The following THSD4 variants were observed in gnomAD, a reference collection of about 807,000 sequenced individuals.
THSD4 encodes the protein thrombospondin type 1 domain containing 4.
Under a neutral mutation model 119.0 loss-of-function variants are expected in THSD4, and 69 were observed. The ratio of observed to expected loss-of-function variants is 0.58; its 90% CI spans 0.48 to 0.71. THSD4 has a LOEUF of 0.71. Among genes scored for constraint, THSD4 ranks in the 30% least tolerant of loss-of-function variants. The pLI, the probability that THSD4 is intolerant of heterozygous loss-of-function variation, is 0.00. For synonymous variants in THSD4, 524 were observed against 540.4 expected (o/e 0.97, Z 0.42); for missense variants, 1,393 against 1,391.1 (o/e 1.00, Z -0.02).
At chr15:71,266,550 T>G (rs958873112) in intron 6 of THSD4, among the ~76,000 whole-genome samples, 1 of 151,912 alleles carries the variant, frequency 6.6e-6, no homozygotes, top group African/African-American at 2.4e-5. Context: ...AGAGGCCTCT[T>G]TTCCTCCAAA....
chr15:71,719,175 T>C (rs1449430795), intron 8 of THSD4, among the ~76,000 whole-genome samples: 1 of 152,202 alleles, frequency 6.6e-6, no homozygotes, highest in Non-Finnish European at 1.5e-5. Context: ...AATTTAGCAA[T>C]GAAATAAGAA....
Position 71,426,365 on chromosome 15 carries a change from C to CTGTG in THSD4, c.1152+14580_1152+14583dup, listed in dbSNP as rs199965138. On this transcript the variant is annotated intron_variant, in intron 7 of 17. Coordinates refer to ENST00000261862, the MANE Select transcript of THSD4 (RefSeq NM_024817.3). ...TGAATGTGTGCATTTGTAAGTATAG[C>CTGTG]TGTGTGTGTGTGTGTGTGTGTGTGT... Among the ~76,000 whole-genome samples, 776 of 102,540 alleles carry CTGTG rather than the reference C, an allele frequency of 7.6e-3. 5 individuals carry two copies. Among genetic ancestry groups the CTGTG allele is most frequent in the African/African-American group, 0.019 (553 of 29,142 alleles). The allele number at this position is 102,540 out of a possible 152,430, so 67.3% of individuals were successfully genotyped here.
intron 8 of THSD4, among the ~76,000 whole-genome samples, chr15:71,693,499 T>G (rs2052097442): frequency 6.6e-6 from 1 of 152,046 alleles, no homozygotes; most frequent in Non-Finnish European, 1.5e-5. Context: ...ATACAAAAAT[T>G]AGCCAGGTGT....
intron 8 of THSD4, among the ~76,000 whole-genome samples, chr15:71,675,310 T>C (rs1356212557): frequency 6.6e-6 from 1 of 152,236 alleles, no homozygotes; most frequent in Non-Finnish European, 1.5e-5. Flanking sequence ...TTCTTTGGAT[T>C]CTCATAGAAC....
chr15:71,681,388 C>T (rs536610085), intron 8 of THSD4, among the ~76,000 whole-genome samples: 1 of 151,804 alleles, frequency 6.6e-6, no homozygotes, highest in East Asian at 1.9e-4. Context: ...CAAAAGTTTA[C>T]GTGGCACACT....
chr15:71,644,171 C>T (rs1264017436), intron 7 of THSD4, among the ~76,000 whole-genome samples: 1 of 152,156 alleles, frequency 6.6e-6, no homozygotes, highest in East Asian at 1.9e-4. Flanking sequence ...CAGGGTCTAA[C>T]TGATTGTGGT....
chr15:71,445,011 G>C (rs969450069), intron 7 of THSD4, among the ~76,000 whole-genome samples: 9 of 152,098 alleles, frequency 5.9e-5, no homozygotes, highest in African/African-American at 2.2e-4. Flanking sequence ...CATTCTTAAA[G>C]CAAACATTCC....
At position 71,451,949 on chromosome 15, in the gene THSD4, C is replaced by T. The variant is rs115308353; in HGVS notation, c.1152+40126C>T. Among the ~76,000 whole-genome samples the T allele has an allele frequency of 9.7e-3, 1,479 of 152,288 alleles. 28 individuals are homozygous for T. The highest frequency in any genetic ancestry group is 0.034 in the African/African-American group (1,414 of 41,574). Reference sequence around the variant, plus strand: ...GTCCTCGCTGCATCTGCTCCAGTCACAGGGAGGCGACTCTTGGTTTGTTTG... The same window carrying T: ...GTCCTCGCTGCATCTGCTCCAGTCATAGGGAGGCGACTCTTGGTTTGTTTG... On this transcript the variant is annotated intron_variant, in intron 7 of 17. Transcript: ENST00000261862.
chr15:71,225,551 C>CTTTTTTTTTTTT (rs748966344), intron 4 of THSD4, among the ~76,000 whole-genome samples: 5 of 41,236 alleles, frequency 1.2e-4, no homozygotes, highest in South Asian at 7.2e-4. Context: ...TTTTTTTTTT[C>CTTTTTTTTTTTT]TTTTTTTTTT....
chr15:71,199,820 C>CTGTGTGGTGTGTGGT (rs1567154977), intron 3 of THSD4, among the ~76,000 whole-genome samples: 28 of 17,074 alleles, frequency 1.6e-3, no homozygotes, highest in African/African-American at 4.3e-3. Context: ...GTGTGATGCA[C>CTGTGTGGTGTGTGGT]GTGTGGGGTG....
At chr15:71,442,620 A>G (rs62017919) in intron 7 of THSD4, among the ~76,000 whole-genome samples, 13,713 of 60,374 alleles carry the variant, frequency 0.23, 4,310 homozygotes, top group East Asian at 0.49. Context: ...GTGTGTGTGT[A>G]TATATATATG....
chr15:71,128,621 G>C (rs1028406251), intron 1 of THSD4, among the ~76,000 whole-genome samples: 1 of 151,890 alleles, frequency 6.6e-6, no homozygotes, highest in Non-Finnish European at 1.5e-5. Flanking sequence ...AAACTACTCA[G>C]TGAAATACTG....
chr15:71,097,396 C>T (rs2040234974), intron 1 of THSD4, among the ~76,000 whole-genome samples: 1 of 151,946 alleles, frequency 6.6e-6, no homozygotes, highest in South Asian at 2.1e-4. Flanking sequence ...GAAACCCCGT[C>T]TCTACAAAAA....
chr15:71,202,330 A>G (rs528962364), intron 3 of THSD4, among the ~76,000 whole-genome samples: 22 of 152,292 alleles, frequency 1.4e-4, no homozygotes, highest in Non-Finnish European at 2.5e-4. Context: ...TAGGGTGGTC[A>G]TCTCTTGGCT....
chr15:71,621,029 C>G (rs1330462307), intron 7 of THSD4, among the ~76,000 whole-genome samples: 2 of 152,068 alleles, frequency 1.3e-5, no homozygotes, highest in Non-Finnish European at 2.9e-5. Flanking sequence ...GGTCCTTTGC[C>G]CCATATTCTA....
chr15:71,436,941 G>A (rs2140545560), intron 7 of THSD4, among the ~76,000 whole-genome samples: 1 of 152,270 alleles, frequency 6.6e-6, no homozygotes, highest in Non-Finnish European at 1.5e-5. Flanking sequence ...TTGAAATACT[G>A]AATGGGACTG....
At chr15:71,193,432 G>A (rs1293369195) in intron 3 of THSD4, among the ~76,000 whole-genome samples, 1 of 152,140 alleles carries the variant, frequency 6.6e-6, no homozygotes, top group Non-Finnish European at 1.5e-5. Context: ...AGGTACCCTT[G>A]GGATAACTGT....
chr15:71,383,316 T>C (rs2046250654), intron 6 of THSD4, among the ~76,000 whole-genome samples: 2 of 152,202 alleles, frequency 1.3e-5, no homozygotes, highest in Non-Finnish European at 2.9e-5. Context: ...ATGATTTTTT[T>C]CCTAAATTTG....
chr15:71,434,115 A>G (rs1035279545), intron 7 of THSD4, among the ~76,000 whole-genome samples: 1 of 152,154 alleles, frequency 6.6e-6, no homozygotes, highest in African/African-American at 2.4e-5. Flanking sequence ...TTTACCAACA[A>G]TTTTAAAGCT....
Sources: allele counts gnomAD v4.1 joint callset (sites outside exome capture counted in the v4.1 genomes callset), GRCh38; gene constraint gnomAD v4.1.1; transcripts MANE v1.5; gene names NCBI Gene and HGNC (gene_info 2026-07-23, HGNC 2026-07-21).